The following FETUB variants were observed in gnomAD, a reference collection of about 807,000 sequenced individuals.
The protein encoded by FETUB is fetuin-B.
Under a neutral mutation model 30.9 loss-of-function variants are expected in FETUB, and 28 were observed. The ratio of observed to expected loss-of-function variants is 0.90; its 90% CI spans 0.67 to 1.24. The LOEUF is 1.24. Ranked by LOEUF, FETUB falls within the 50% of genes most tolerant of loss-of-function variation. The probability of loss-of-function intolerance (pLI) is 0.00; values close to 1 mark genes in which losing one functional copy is unlikely to be tolerated. For synonymous variants in FETUB, 186 were observed against 175.9 expected, an observed-to-expected ratio of 1.06 and a Z score of -0.45; for missense variants, 469 against 455.3, an observed-to-expected ratio of 1.03 and a Z score of -0.27.
In FETUB at chr3:186,652,690, G is replaced by A. The variant is rs998502873; in HGVS notation, c.*59G>A. 1.3e-6 allele frequency: 2 copies of A among 1,525,292 alleles called. No individual in the cohort carries two copies. Among genetic ancestry groups the A allele is most frequent in the East Asian group, 2.3e-5 (1 of 44,258 alleles). The allele number at this position is 1,525,292 out of a possible 1,614,324, so 94.5% of individuals were successfully genotyped here. ...CGCCGCATGACATGGGAGGCGATGGGGACGATGGACAGAGACAGAGCGTGC... is the reference window on the plus strand; with the variant it reads ...CGCCGCATGACATGGGAGGCGATGGAGACGATGGACAGAGACAGAGCGTGC... On this transcript the variant is annotated 3_prime_UTR_variant, in exon 7 of 7. Transcript: ENST00000265029.
At position 186,644,925 on chromosome 3, in the gene FETUB, G is replaced by A. The variant is rs564245691; in HGVS notation, c.594+5G>A. 1.8e-4 allele frequency: 292 copies of A among 1,607,642 alleles called. 4 individuals are homozygous for A. In the South Asian group the frequency reaches 3.0e-3, roughly 16 times the overall value. On this transcript the variant is annotated splice_donor_5th_base_variant and intron_variant, in intron 4 of 6. Coordinates refer to ENST00000265029, the MANE Select transcript of FETUB (RefSeq NM_014375.3). ...GTCACCAGGGCTTCTAGCCAGGTAA[G>A]GCTAAAACTGCCCAAGCCAGTTACA... is the stretch of plus-strand genomic sequence containing the variant.
chr3:186,637,844 G>A (rs1476457080), upstream of FETUB, among the ~76,000 whole-genome samples: 1 of 152,208 alleles, frequency 6.6e-6, no homozygotes, highest in Non-Finnish European at 1.5e-5. Context: ...AGTCCATATT[G>A]CAACCTCAGG....
intron 5 of FETUB, among the ~76,000 whole-genome samples, chr3:186,648,909 G>T (rs1717766616): frequency 6.6e-6 from 1 of 152,076 alleles, no homozygotes. Context: ...GATTTCTTAG[G>T]ATTTTCTATA....
chr3:186,644,908 G>C lies in FETUB; in HGVS notation c.582G>C (p.Arg194Ser). The C allele has an allele frequency of 6.2e-7, 1 of 1,612,224 alleles. No homozygotes were observed. Among genetic ancestry groups the C allele is most frequent in the Non-Finnish European group, 8.5e-7 (1 of 1,179,374 alleles). ...AGTATTCTCTCTTCAAAGTCACCAG[G>C]GCTTCTAGCCAGGTAAGGCTAAAAC... ...SKQYSLFKVT[R>S]ASSQWVVGPS... is the part of the protein sequence containing the mutation. Residue 194 changes from arginine (R) to serine (S), a missense_variant, in exon 4 of 7, where the codon AGG becomes AGC. By Grantham distance (110) the Arg-to-Ser change is moderately radical. Transcript: ENST00000265029.
chr3:186,637,007 G>T (rs1336959864), upstream of FETUB, among the ~76,000 whole-genome samples: 2 of 152,136 alleles, frequency 1.3e-5, no homozygotes, highest in Non-Finnish European at 2.9e-5. Context: ...AAGCCACATA[G>T]GTTGGATGCA....
intron 5 of FETUB, 39 bp downstream of exon 5, chr3:186,646,388 CAGATCAT>C: frequency 2.2e-6 from 3 of 1,394,900 alleles, no homozygotes; most frequent in Non-Finnish European, 3.1e-6. Flanking sequence ...TGAGTGTTCA[CAGATCAT>C]CTCTAAGTGT....
intron 5 of FETUB, among the ~76,000 whole-genome samples, chr3:186,648,993 C>T (rs1394669667): frequency 6.6e-6 from 1 of 152,186 alleles, no homozygotes; most frequent in East Asian, 1.9e-4. Flanking sequence ...TGTTCCCAGC[C>T]TCTAGGGCTC....
intron 5 of FETUB, 96 bp downstream of exon 5, chr3:186,646,445 G>A: frequency 2.2e-6 from 2 of 909,102 alleles, no homozygotes; most frequent in Non-Finnish European, 3.6e-6. Flanking sequence ...CATAAGGCAT[G>A]AGATGCTTTT....
chr3:186,649,318 A>C (rs1245881485), intron 5 of FETUB, among the ~76,000 whole-genome samples: 4 of 152,164 alleles, frequency 2.6e-5, no homozygotes, highest in Admixed American at 2.0e-4. Context: ...ATATTTAGGC[A>C]ATCTGTTTAG....
rs762574726 is a variant in FETUB, at chr3:186,640,564, G to A, written c.104G>A (p.Gly35Asp). 2 of 1,614,028 alleles carry A rather than the reference G, an allele frequency of 1.2e-6. No individual in the cohort carries two copies. The highest frequency in any genetic ancestry group is 4.5e-5 in the East Asian group (2 of 44,904). Residue 35 changes from glycine to aspartate, a missense_variant, in exon 1 of 7, where the codon GGC (glycine) becomes GAC (aspartate). By Grantham distance (94) the Gly-to-Asp change is moderately conservative (BLOSUM62 -1). Coordinates refer to ENST00000265029, the MANE Select transcript of FETUB (RefSeq NM_014375.3). ...ALNPSALLSR[G>D]CNDSDVLAVA... ...AACCCCTCGGCTCTGCTCTCCCGGGGCTGCAATGACTCAGATGTGCTGGCA... is the reference window on the plus strand; with the variant it reads ...AACCCCTCGGCTCTGCTCTCCCGGGACTGCAATGACTCAGATGTGCTGGCA...
intron 2 of FETUB, chr3:186,641,581 A>G (rs1717059900): frequency 6.5e-6 from 1 of 153,592 alleles, no homozygotes; most frequent in Non-Finnish European, 1.4e-5. Context: ...AAAATGGATG[A>G]CTTGCAGTAT....
At chr3:186,641,265 C>A in intron 2 of FETUB, 125 bp downstream of exon 2, 1 of 652,294 alleles carries the variant, frequency 1.5e-6, no homozygotes, top group South Asian at 1.8e-5. Context: ...AATCTCCTGG[C>A]AGGTGCCCAT....
chr3:186,649,661 G>A (rs953023404), intron 5 of FETUB, among the ~76,000 whole-genome samples: 1 of 152,140 alleles, frequency 6.6e-6, no homozygotes, highest in East Asian at 1.9e-4. Flanking sequence ...GGTAGAGACA[G>A]GGTTTCACCC....
At chr3:186,650,654 A>G (rs990436246) in intron 5 of FETUB, among the ~76,000 whole-genome samples, 3 of 152,148 alleles carry the variant, frequency 2.0e-5, no homozygotes, top group Non-Finnish European at 4.4e-5. Context: ...GCATAGAAAA[A>G]AAGACTGGAA....
rs759152959 is a variant in FETUB at position 186,644,706 on chromosome 3, T to C, written c.425-45T>C. The C allele has an allele frequency of 1.8e-5, 27 of 1,477,994 alleles. 1 individual carries two copies. In the Middle Eastern group the frequency reaches 7.1e-4, roughly 39 times the overall value. The allele number at this position is 1,477,994 out of a possible 1,614,324, so 91.6% of individuals were successfully genotyped here. On this transcript the variant is annotated intron_variant, in intron 3 of 6. Transcript: ENST00000265029. ...GCCTCTTTACAGTCATATGATTTAT[T>C]GAAAATTAATAGCATTTAAAAACTT...
At chr3:186,650,570 G>T (rs1168536586) in intron 5 of FETUB, among the ~76,000 whole-genome samples, 1 of 151,920 alleles carries the variant, frequency 6.6e-6, no homozygotes, top group African/African-American at 2.4e-5. Context: ...ACAATATATT[G>T]TTAAGTGACA....
chr3:186,649,967 T>C (rs182889951), intron 5 of FETUB, among the ~76,000 whole-genome samples: 2 of 152,044 alleles, frequency 1.3e-5, no homozygotes, highest in East Asian at 3.9e-4. Flanking sequence ...GCAACGGACA[T>C]GGTATTATTC....
intron 5 of FETUB, among the ~76,000 whole-genome samples, chr3:186,648,123 G>T (rs996249142): frequency 1.3e-5 from 2 of 152,070 alleles, no homozygotes; most frequent in Non-Finnish European, 2.9e-5. Flanking sequence ...AAAGAAATAA[G>T]CCCCTATATG....
intron 5 of FETUB, among the ~76,000 whole-genome samples, chr3:186,649,508 C>T (rs915904459): frequency 6.6e-6 from 1 of 151,768 alleles, no homozygotes; most frequent in Non-Finnish European, 1.5e-5. Flanking sequence ...TTTGCTCTGT[C>T]GCCCAGGCTG....
Sources: allele counts gnomAD v4.1 joint callset (sites outside exome capture counted in the v4.1 genomes callset), GRCh38; gene constraint gnomAD v4.1.1; transcripts MANE v1.5; gene names NCBI Gene and HGNC (gene_info 2026-07-23, HGNC 2026-07-21).